Variants in DOP1B observed in about 807,000 individuals in gnomAD.
The protein encoded by DOP1B is DOP1 leucine zipper like protein B.
Under a neutral mutation model 233.5 loss-of-function variants are expected in DOP1B, and 174 were observed. The ratio of observed to expected loss-of-function variants is 0.75; its 90% CI spans 0.66 to 0.85. DOP1B has a LOEUF of 0.85. Ranked by LOEUF, DOP1B falls within the 40% of genes least tolerant of loss-of-function variation. The pLI is 0.00. For missense variants in DOP1B, 2,652 were observed against 2,846.6 expected (o/e 0.93, Z 1.56); for synonymous variants, 1,190 against 1,185.6 (o/e 1.00, Z -0.08).
rs1253886932 is a variant in DOP1B, at chr21:36,230,471, G to A, written c.1687G>A (p.Gly563Ser). 2.3e-5 allele frequency: 37 copies of A among 1,609,784 alleles called. No homozygotes were observed. Among genetic ancestry groups the A allele is most frequent in the Admixed American group, 1.7e-5 (1 of 59,842 alleles). The stretch of plus-strand genomic sequence containing the variant: ...ACAGAGTCCAGTAAAAGGTGAAAAC[G>A]GCAAAATAATTTTGGAAACAAAGGC... Reference protein sequence around the residue: ...GTSSPVKGENGKIILETKAVI... With the variant: ...GTSSPVKGENSKIILETKAVI... The change falls in exon 14 of 37, where the codon GGC (glycine) becomes AGC (serine). Residue 563 changes from glycine to serine, a missense_variant. By Grantham distance (56) the Gly-to-Ser change is moderately conservative (BLOSUM62 0). Around this residue, in one of 3 missense-constraint regions of DOP1B, gnomAD observed 2,617 missense variants for 2,794.3 expected, o/e 0.94. Coordinates refer to ENST00000691173, the MANE Select transcript of DOP1B (RefSeq NM_001320714.2).
At chr21:36,228,813 TAAAATAAAATAAA>T (rs1464301549) in intron 13 of DOP1B, among the ~76,000 whole-genome samples, 3 of 108,874 alleles carry the variant, frequency 2.8e-5, no homozygotes, top group Non-Finnish European at 5.5e-5. Flanking sequence ...TAAAATAAAA[TAAAATAAAATAAA>T]AAGGCATGGT....
Position 36,237,468 on chromosome 21 carries a change from C to T in DOP1B, c.2775+54C>T, listed in dbSNP as rs1313885365. On this transcript the variant is annotated intron_variant, in intron 16 of 36. Transcript: ENST00000691173. Reference sequence around the variant, plus strand: ...CTGCAGCACCCCGGCCCCTGCTGTACGTGCCCTTAGCCAACTGACATCCAT... The same window carrying T: ...CTGCAGCACCCCGGCCCCTGCTGTATGTGCCCTTAGCCAACTGACATCCAT... 30 of 1,602,242 alleles carry T rather than the reference C, an allele frequency of 1.9e-5. 1 individual carries two copies. Among genetic ancestry groups the T allele is most frequent in the African/African-American group, 1.6e-4 (12 of 74,938 alleles).
chr21:36,231,332 A>G (rs1190974960), intron 14 of DOP1B, among the ~76,000 whole-genome samples, 198 bp downstream of exon 14: 2 of 152,236 alleles, frequency 1.3e-5, no homozygotes, highest in Non-Finnish European at 1.5e-5. Context: ...CAAGAGCTCC[A>G]GTGACTGTTT....
rs1008529623 is a variant in DOP1B, at chr21:36,273,768, C to T, written c.5633-3253C>T. 1.4e-4 allele frequency among the ~76,000 whole-genome samples: 22 copies of T among 152,126 alleles called. No homozygotes were observed. The East Asian group carries it at 2.9e-3, about 20-fold the overall frequency. ...GGAGACTGATGAGACTGATGGTTGT[C>T]GGGCTTGGTAGAAAGCACACTAAGG... is the stretch of plus-strand genomic sequence containing the variant. On this transcript the variant is annotated intron_variant, in intron 27 of 36. Coordinates refer to ENST00000691173, the MANE Select transcript of DOP1B (RefSeq NM_001320714.2).
chr21:36,207,366 A>G (rs1012102425), intron 4 of DOP1B, among the ~76,000 whole-genome samples: 5 of 151,316 alleles, frequency 3.3e-5, no homozygotes, highest in African/African-American at 9.7e-5. Context: ...TGCATTTTTA[A>G]TAGAGATGGG....
At chr21:36,211,849 A>G in intron 6 of DOP1B, 125 bp from the exon 7 acceptor site, 1 of 1,426,924 alleles carries the variant, frequency 7.0e-7, no homozygotes, top group South Asian at 1.2e-5. Context: ...TCCATGGGTA[A>G]TGTGTAAGGA....
intron 15 of DOP1B, among the ~76,000 whole-genome samples, chr21:36,236,544 A>G (rs1056061548): frequency 6.6e-6 from 1 of 152,156 alleles, no homozygotes; most frequent in Non-Finnish European, 1.5e-5. Flanking sequence ...CCCAGAGGGT[A>G]CATCTGTGCA....
intron 2 of DOP1B, among the ~76,000 whole-genome samples, chr21:36,187,268 T>C (rs1162235238): frequency 7.1e-6 from 1 of 140,766 alleles, no homozygotes; most frequent in Non-Finnish European, 1.5e-5. Flanking sequence ...CGCCCATTCA[T>C]CGTCTGTGGG....
chr21:36,273,045 T>TGAGTC lies in DOP1B; in HGVS notation c.5632+2892_5632+2896dup, dbSNP rs1461943132. Among the ~76,000 whole-genome samples, 10 of 142,596 alleles carry TGAGTC rather than the reference T, an allele frequency of 7.0e-5. No homozygotes were observed. The East Asian group carries it at 1.7e-3, about 24-fold the overall frequency. The allele number at this position is 142,596 out of a possible 152,430, so 93.5% of individuals were successfully genotyped here. On this transcript the variant is annotated intron_variant, in intron 27 of 36. Coordinates refer to ENST00000691173, the MANE Select transcript of DOP1B (RefSeq NM_001320714.2). Reference sequence around the variant, plus strand: ...ACAAAAGGGGAGGCAGAGGTTGCAGTGAGTCGAGATGGCGTCACTGCACTC... The same window carrying TGAGTC: ...ACAAAAGGGGAGGCAGAGGTTGCAGTGAGTCGAGTCGAGATGGCGTCACTGCACTC...
chr21:36,160,725 G>C (rs758650881), intron 1 of DOP1B, among the ~76,000 whole-genome samples: 1 of 152,150 alleles, frequency 6.6e-6, no homozygotes, highest in Non-Finnish European at 1.5e-5. Flanking sequence ...TGATCCACCC[G>C]CCTCGGCCTC....
chr21:36,228,017 A>C, intron 13 of DOP1B, 140 bp downstream of exon 13: 1 of 898,050 alleles, frequency 1.1e-6, no homozygotes, highest in South Asian at 2.3e-5. Context: ...TATGCTTGTA[A>C]AACCCTCACT....
Position 36,248,511 on chromosome 21 carries a change from T to C in DOP1B, c.4941T>C (p.Pro1647=). 6.2e-7 allele frequency: 1 copy of C among 1,614,146 alleles called. No homozygotes were observed. Among genetic ancestry groups the C allele is most frequent in the Non-Finnish European group, 8.5e-7 (1 of 1,180,006 alleles). The change falls in exon 21 of 37, where the codon CCT becomes CCC. Residue 1647 remains proline, a synonymous_variant. Coordinates refer to ENST00000691173, the MANE Select transcript of DOP1B (RefSeq NM_001320714.2). ...VLRKEETQKR[P]VDLLGATKGS... ...GAAAGGAGGAGACTCAAAAGAGACC[T>C]GTCGATCTCCTAGGGGCCACGAAGG...
At chr21:36,267,406 C>T (rs1792541923) in intron 26 of DOP1B, among the ~76,000 whole-genome samples, 2 of 152,200 alleles carry the variant, frequency 1.3e-5, no homozygotes, top group Admixed American at 6.5e-5. Context: ...CTTGTGTTCT[C>T]TGTATATTTT....
At chr21:36,225,740 A>G (rs748807098) in intron 12 of DOP1B, 73 bp downstream of exon 12, 231 of 1,440,098 alleles carry the variant, frequency 1.6e-4, no homozygotes, top group Non-Finnish European at 5.9e-5. Flanking sequence ...GGCCTGCTTT[A>G]TCAACCTCAC....
At chr21:36,238,419 G>A (rs1356756000) in intron 16 of DOP1B, among the ~76,000 whole-genome samples, 182 bp from the exon 17 acceptor site, 1 of 152,206 alleles carries the variant, frequency 6.6e-6, no homozygotes, top group East Asian at 1.9e-4. Flanking sequence ...CAGAGAGAGA[G>A]GATGCAGGTT....
In DOP1B at chr21:36,253,801, A is replaced by G; in HGVS notation, c.5151A>G (p.Leu1717=). ...KIIPTASASQ[L]TLVDLVCALS... ...TCCCAACGGCAAGTGCATCCCAGCT[A>G]ACCCTTGTCGACTTGGTGTGTGCAC... is the stretch of plus-strand genomic sequence containing the variant. The change falls in exon 23 of 37, where the codon CTA becomes CTG. Residue 1717 remains leucine (L), a synonymous_variant. Coordinates refer to ENST00000691173, the MANE Select transcript of DOP1B (RefSeq NM_001320714.2). The G allele has an allele frequency of 3.1e-6, 5 of 1,613,746 alleles. No homozygotes were observed. Among genetic ancestry groups the G allele is most frequent in the Non-Finnish European group, 4.2e-6 (5 of 1,179,870 alleles).
chr21:36,165,739 A>T (rs1245854497), intron 2 of DOP1B, among the ~76,000 whole-genome samples: 1 of 137,708 alleles, frequency 7.3e-6, no homozygotes, highest in Non-Finnish European at 1.6e-5. Flanking sequence ...TTTTTTTGAG[A>T]CAGTCTCACT....
At position 36,242,052 on chromosome 21, in the gene DOP1B, T is replaced by G. The variant is rs564331805; in HGVS notation, c.3067+2097T>G. Among the ~76,000 whole-genome samples the G allele has an allele frequency of 1.8e-4, 28 of 152,174 alleles. 1 individual carries two copies. In the South Asian group the frequency reaches 5.8e-3, roughly 32 times the overall value. On this transcript the variant is annotated intron_variant, in intron 18 of 36. Transcript: ENST00000691173. Reference sequence around the variant, plus strand: ...CTGAAAGAAGTGTAAACAAAGAACCTTCTTAAAAGTTTGGCTACTATTCAT... The same window carrying G: ...CTGAAAGAAGTGTAAACAAAGAACCGTCTTAAAAGTTTGGCTACTATTCAT...
At chr21:36,176,097 C>CATATGTGTGTGTGTGTGTGTGTGT (rs1555886144) in intron 2 of DOP1B, among the ~76,000 whole-genome samples, 1 of 141,744 alleles carries the variant, frequency 7.1e-6, no homozygotes, top group East Asian at 2.1e-4. Context: ...GGTGTGTGTG[C>CATATGTGTGTGTGTGTGTGTGTGT]GTGTGTGTGT....
Sources: allele counts gnomAD v4.1 joint callset (sites outside exome capture counted in the v4.1 genomes callset), GRCh38; gene constraint gnomAD v4.1.1; regional missense constraint gnomAD v4.1.1; transcripts MANE v1.5; gene names NCBI Gene and HGNC (gene_info 2026-07-23, HGNC 2026-07-21).